The following LAMA1 variants were observed in gnomAD, a reference collection of about 807,000 sequenced individuals.
LAMA1 encodes the protein laminin subunit alpha-1.
LAMA1 carries 219 observed loss-of-function variants against 348.7 expected under a neutral mutation model. That is an observed-to-expected ratio of 0.63 (90% confidence interval 0.56 to 0.70). The LOEUF (loss-of-function observed/expected upper bound fraction) is 0.70. Among genes scored for constraint, LAMA1 ranks in the 30% least tolerant of loss-of-function variants. The probability of loss-of-function intolerance (pLI) is 0.00; values close to 1 mark genes in which losing one functional copy is unlikely to be tolerated. For synonymous variants in LAMA1, 1,487 were observed against 1,491.0 expected, an observed-to-expected ratio of 1.00 and a Z score of 0.06; for missense variants, 3,744 against 3,888.0, an observed-to-expected ratio of 0.96 and a Z score of 0.99.
At chr18:7,019,029 C>T (rs1276322584) in intron 19 of LAMA1, among the ~76,000 whole-genome samples, 1 of 152,120 alleles carries the variant, frequency 6.6e-6, no homozygotes, top group Non-Finnish European at 1.5e-5. Flanking sequence ...CGTGCGGACT[C>T]TGCTGCTAAC....
chr18:7,055,237 G>A (rs2058076885), intron 3 of LAMA1, among the ~76,000 whole-genome samples: 2 of 151,756 alleles, frequency 1.3e-5, no homozygotes, highest in Non-Finnish European at 1.5e-5. Context: ...GATCACTCGA[G>A]GTCAGGAGTT....
At chr18:7,068,203 C>T (rs1568054006) in intron 3 of LAMA1, among the ~76,000 whole-genome samples, 1 of 152,026 alleles carries the variant, frequency 6.6e-6, no homozygotes, top group Non-Finnish European at 1.5e-5. Context: ...GTTCTCTGTG[C>T]ACCCCCGGTC....
intron 3 of LAMA1, among the ~76,000 whole-genome samples, chr18:7,076,143 T>C (rs1263410501): frequency 1.3e-5 from 2 of 152,090 alleles, no homozygotes; most frequent in African/African-American, 2.4e-5. Flanking sequence ...AGTTGGCTAA[T>C]GGCTAAGGAA....
intron 14 of LAMA1, among the ~76,000 whole-genome samples, chr18:7,033,575 AAT>A (rs1354740089): frequency 1.3e-5 from 2 of 152,120 alleles, no homozygotes; most frequent in Non-Finnish European, 1.5e-5. Context: ...AAATGCCTTC[AAT>A]GTTTGGTACA....
In LAMA1 at chr18:7,036,021, C is replaced by T. The variant is rs939109682; in HGVS notation, c.1805G>A (p.Ser602Asn). The change falls in exon 13 of 63, where the codon AGT becomes AAT. Residue 602 changes from serine (S) to asparagine (N), a missense_variant. Physicochemically the swap from Ser to Asn is conservative, Grantham distance 46. Transcript: ENST00000389658. The stretch of plus-strand genomic sequence containing the variant: ...GACGTCAGCATGCGACATGAGGTTA[C>T]TGTCTACCGTCTCTACCGGAATATC... The part of the protein sequence containing the change: ...SYDIPVETVD[S>N]NLMSHADVII... The T allele has an allele frequency of 1.9e-6, 3 of 1,614,074 alleles. No individual in the cohort carries two copies. The highest frequency in any genetic ancestry group is 2.5e-6 in the Non-Finnish European group (3 of 1,179,992).
At chr18:7,036,933 A>G (rs917807356) in intron 12 of LAMA1, among the ~76,000 whole-genome samples, 1 of 152,164 alleles carries the variant, frequency 6.6e-6, no homozygotes, top group African/African-American at 2.4e-5. Flanking sequence ...AAATTTTCGT[A>G]TCAATCAGAA....
intron 33 of LAMA1, among the ~76,000 whole-genome samples, chr18:6,996,826 C>T (rs2057783367): frequency 6.6e-6 from 1 of 151,730 alleles, no homozygotes; most frequent in Non-Finnish European, 1.5e-5. Flanking sequence ...TAAATAAGTG[C>T]TATAGTAGGA....
At chr18:6,991,759 TATAA>T (rs1600377521) in intron 36 of LAMA1, among the ~76,000 whole-genome samples, 1 of 152,174 alleles carries the variant, frequency 6.6e-6, no homozygotes, top group Admixed American at 6.5e-5. Flanking sequence ...ATATATACAG[TATAA>T]ATAAATATTT....
At chr18:7,010,963 TATA>T (rs554998693) in intron 25 of LAMA1, among the ~76,000 whole-genome samples, 42 of 152,346 alleles carry the variant, frequency 2.8e-4, no homozygotes, top group African/African-American at 9.9e-4. Flanking sequence ...CTCATGAGAT[TATA>T]ATAATAACTT....
intron 49 of LAMA1, chr18:6,965,642 T>A (rs967899007): frequency 1.7e-6 from 1 of 580,856 alleles, no homozygotes; most frequent in African/African-American, 1.9e-5. Context: ...TCATCTGTTG[T>A]TACCAAAATC....
rs116898371 is a variant in LAMA1, at chr18:7,049,844, T to C, written c.589-587A>G. Among the ~76,000 whole-genome samples, 8 of 152,372 alleles carry C rather than the reference T, an allele frequency of 5.3e-5. No individual in the cohort carries two copies. The East Asian group carries it at 1.5e-3, about 29-fold the overall frequency. On this transcript the variant is annotated intron_variant, in intron 4 of 62. Coordinates refer to ENST00000389658, the MANE Select transcript of LAMA1 (RefSeq NM_005559.4). ...TGTATGTTTTCCTGAATGTAAATTA[T>C]GTCTCAAACTTTAAAATTTGATATA...
intron 50 of LAMA1, 26 bp from the exon 51 acceptor site, chr18:6,964,829 T>C: frequency 6.2e-7 from 1 of 1,613,626 alleles, no homozygotes; most frequent in Non-Finnish European, 8.5e-7. Context: ...AGGCAAGAGA[T>C]AAGAAAAGGA....
At chr18:7,033,141 A>G in intron 14 of LAMA1, 46 bp from the exon 15 acceptor site, 4 of 1,296,392 alleles carry the variant, frequency 3.1e-6, no homozygotes, top group South Asian at 2.5e-5. Flanking sequence ...TCGCAAATAC[A>G]TCTCACATCT....
At chr18:6,970,864 C>A (rs184543566) in intron 48 of LAMA1, among the ~76,000 whole-genome samples, 1 of 152,162 alleles carries the variant, frequency 6.6e-6, no homozygotes, top group Non-Finnish European at 1.5e-5. Flanking sequence ...CCGCCCGCCT[C>A]GGCCTCCCAA....
At chr18:7,017,612 T>C (rs1046291393) in intron 19 of LAMA1, among the ~76,000 whole-genome samples, 1 of 152,184 alleles carries the variant, frequency 6.6e-6, no homozygotes, top group Non-Finnish European at 1.5e-5. Flanking sequence ...TTGAAGCTAT[T>C]AAGACAATAA....
chr18:7,034,681 G>A lies in LAMA1; in HGVS notation c.1849C>T (p.Leu617Phe). The A allele has an allele frequency of 6.2e-7, 1 of 1,613,116 alleles. No homozygotes were observed. Among genetic ancestry groups the A allele is most frequent in the Non-Finnish European group, 8.5e-7 (1 of 1,179,104 alleles). The change falls in exon 14 of 63, where the codon CTC (leucine) becomes TTC (phenylalanine). Residue 617 changes from leucine to phenylalanine, a missense_variant. Leu to Phe is a conservative substitution (Grantham distance 22). Transcript: ENST00000389658. ...HADVIIKGNG[L>F]TLSTQAEGLS... ...CCCTCAGCCTGTGTGCTTAAAGTGA[G>A]TCCGTTTCCCTAACATTTAAAAACA...
At chr18:7,035,875 C>T (rs1284199769) in intron 13 of LAMA1, 112 bp downstream of exon 13, 3 of 840,354 alleles carry the variant, frequency 3.6e-6, no homozygotes, top group Non-Finnish European at 6.0e-6. Context: ...ACTGAATGGC[C>T]ACCTGGCCAC....
At chr18:7,017,425 G>A (rs758894076) in intron 19 of LAMA1, 41 bp from the exon 20 acceptor site, 1 of 1,401,670 alleles carries the variant, frequency 7.1e-7, no homozygotes, top group Non-Finnish European at 1.0e-6. Context: ...CCTCACTTCT[G>A]AGGATGGTTA....
intron 36 of LAMA1, among the ~76,000 whole-genome samples, chr18:6,987,152 G>A (rs909617266): frequency 2.0e-5 from 3 of 152,166 alleles, no homozygotes; most frequent in Non-Finnish European, 4.4e-5. Flanking sequence ...GTAAACTTGG[G>A]TCCAGTGGGC....
Sources: allele counts gnomAD v4.1 joint callset (sites outside exome capture counted in the v4.1 genomes callset), GRCh38; gene constraint gnomAD v4.1.1; transcripts MANE v1.5; gene names NCBI Gene and HGNC (gene_info 2026-07-23, HGNC 2026-07-21).